Variants in ALG6 observed in about 807,000 individuals in gnomAD.
ALG6 encodes the protein dolichyl pyrophosphate Man9GlcNAc2 alpha-1,3-glucosyltransferase.
In ALG6, 46 loss-of-function variants were observed where a neutral mutation model predicts 66.6. The ratio of observed to expected loss-of-function variants is 0.69; its 90% CI spans 0.55 to 0.88. The LOEUF (loss-of-function observed/expected upper bound fraction) is 0.88, where lower values mean the gene tolerates loss of function less well. ALG6 is among the 40% of genes least tolerant of loss of function. The pLI is 0.00. For missense variants in ALG6, 505 were observed against 586.8 expected (o/e 0.86, Z 1.44); for synonymous variants, 185 against 203.7 (o/e 0.91, Z 0.78).
intron 12 of ALG6, among the ~76,000 whole-genome samples, chr1:63,426,919 A>G (rs1419022595): frequency 1.3e-5 from 2 of 152,206 alleles, no homozygotes; most frequent in Non-Finnish European, 1.5e-5. Flanking sequence ...TAAACCAGAA[A>G]GAGAAAACAG....
At chr1:63,427,141 C>A (rs1366662570) in intron 12 of ALG6, among the ~76,000 whole-genome samples, 3 of 151,426 alleles carry the variant, frequency 2.0e-5, no homozygotes, top group African/African-American at 7.3e-5. Flanking sequence ...GCTGGGATTA[C>A]AGGCACGCAC....
At chr1:63,378,109 C>T (rs955313425) in intron 2 of ALG6, among the ~76,000 whole-genome samples, 1 of 152,070 alleles carries the variant, frequency 6.6e-6, no homozygotes, top group Non-Finnish European at 1.5e-5. Flanking sequence ...TTGTATCTTT[C>T]TTTGAGATCA....
At chr1:63,430,374 G>C (rs1644639529) in intron 14 of ALG6, among the ~76,000 whole-genome samples, 1 of 152,064 alleles carries the variant, frequency 6.6e-6, no homozygotes, top group African/African-American at 2.4e-5. Context: ...TGTTTACAAG[G>C]TATTGAGTGC....
intron 14 of ALG6, among the ~76,000 whole-genome samples, chr1:63,435,206 T>C (rs1644671625): frequency 6.6e-6 from 1 of 152,156 alleles, no homozygotes; most frequent in South Asian, 2.1e-4. Context: ...AGCAGACAAA[T>C]GGGGTAATAG....
Position 63,437,308 on chromosome 1 carries a change from T to TTA in ALG6, c.*289_*290dup. 1 of 339,542 alleles carries TTA rather than the reference T, an allele frequency of 2.9e-6. No individual in the cohort carries two copies. 21.0% of individuals were successfully genotyped at this position (339,542 alleles called of 1,614,324 possible). On this transcript the variant is annotated 3_prime_UTR_variant, in exon 15 of 15. Coordinates refer to ENST00000263440, the MANE Select transcript of ALG6 (RefSeq NM_013339.4). ...AGAAACATGTCCTTAATCCCATTGT[T>TTA]TACTCAGGAAATGCACTTTTTAAAT...
intron 14 of ALG6, among the ~76,000 whole-genome samples, chr1:63,430,415 C>T (rs900156404): frequency 2.0e-5 from 3 of 152,094 alleles, no homozygotes; most frequent in Non-Finnish European, 4.4e-5. Flanking sequence ...TATGTGTATA[C>T]CTGGGAGTAG....
At chr1:63,431,561 C>T (rs1185997181) in intron 14 of ALG6, among the ~76,000 whole-genome samples, 1 of 152,162 alleles carries the variant, frequency 6.6e-6, no homozygotes, top group Non-Finnish European at 1.5e-5. Flanking sequence ...GGACTATGGG[C>T]CTGTGCCACC....
At chr1:63,394,249 C>T (rs905362024) in intron 2 of ALG6, among the ~76,000 whole-genome samples, 1 of 152,320 alleles carries the variant, frequency 6.6e-6, no homozygotes, top group East Asian at 1.9e-4. Context: ...ACCTTACATG[C>T]CAGTTTAAAA....
chr1:63,385,184 CTTTTTTTTTTTTTT>C (rs1165046824), intron 2 of ALG6, among the ~76,000 whole-genome samples: 222 of 58,940 alleles, frequency 3.8e-3, no homozygotes, highest in East Asian at 0.019. Flanking sequence ...TTTACTTCTT[CTTTTTTTTTTTTTT>C]TTTTTTTTTT....
intron 2 of ALG6, among the ~76,000 whole-genome samples, chr1:63,372,010 C>T (rs1372300808): frequency 2.6e-5 from 4 of 152,240 alleles, no homozygotes; most frequent in Admixed American, 1.3e-4. Context: ...GATCAAGATG[C>T]ATTAGAGAAA....
chr1:63,379,051 T>A (rs1648220875), intron 2 of ALG6, among the ~76,000 whole-genome samples: 3 of 152,154 alleles, frequency 2.0e-5, no homozygotes. Context: ...ATGTTTCTTA[T>A]CTAAAAATTC....
chr1:63,376,168 T>C (rs1230017842), intron 2 of ALG6, among the ~76,000 whole-genome samples: 1 of 152,222 alleles, frequency 6.6e-6, no homozygotes, highest in African/African-American at 2.4e-5. Flanking sequence ...CTGTACATTA[T>C]AGCCTATTGC....
chr1:63,388,048 C>T (rs1235456764), intron 2 of ALG6, among the ~76,000 whole-genome samples: 1 of 152,168 alleles, frequency 6.6e-6, no homozygotes, highest in Non-Finnish European at 1.5e-5. Flanking sequence ...TGTGGAGTAG[C>T]TGTGATTACA....
intron 3 of ALG6, among the ~76,000 whole-genome samples, chr1:63,398,789 T>G (rs1161941408): frequency 1.3e-5 from 2 of 152,226 alleles, no homozygotes; most frequent in African/African-American, 4.8e-5. Context: ...ATTAGATTTC[T>G]TTTCAAAATT....
chr1:63,385,419 G>A lies in ALG6; in HGVS notation c.83-11094G>A, dbSNP rs887568100. On this transcript the variant is annotated intron_variant, in intron 2 of 14. Coordinates refer to ENST00000263440, the MANE Select transcript of ALG6 (RefSeq NM_013339.4). ...GTAGAAACGGGGTTTCACCATGTTG[G>A]CCAGGCTGGTCTTGAACTCCTGACC... is the stretch of plus-strand genomic sequence containing the variant. 1.6e-4 allele frequency among the ~76,000 whole-genome samples: 24 copies of A among 151,660 alleles called. 2 individuals are homozygous for A. The highest frequency in any genetic ancestry group is 1.4e-3 in the Admixed American group (21 of 15,222).
chr1:63,422,727 G>A (rs1644594397), intron 12 of ALG6, among the ~76,000 whole-genome samples: 1 of 151,568 alleles, frequency 6.6e-6, no homozygotes, highest in African/African-American at 2.4e-5. Flanking sequence ...AGGCCCAGGC[G>A]GGTGGATCAT....
chr1:63,399,808 A>G (rs1317505803), intron 3 of ALG6, among the ~76,000 whole-genome samples: 1 of 151,612 alleles, frequency 6.6e-6, no homozygotes, highest in East Asian at 1.9e-4. Flanking sequence ...TTTTTTTTTT[A>G]CTTACTAAAC....
chr1:63,395,461 C>T (rs12082925), intron 2 of ALG6, among the ~76,000 whole-genome samples: 54,532 of 151,898 alleles, frequency 0.36, 10,010 homozygotes, highest in East Asian at 0.48. Flanking sequence ...TTTGGGAGGT[C>T]GAGGCAGGCA....
Position 63,381,219 on chromosome 1 carries a change from C to T in ALG6, c.82+10160C>T, listed in dbSNP as rs1237767630. Among the ~76,000 whole-genome samples, 3 of 152,160 alleles carry T rather than the reference C, an allele frequency of 2.0e-5. No homozygotes were observed. In the East Asian group the frequency reaches 5.8e-4, roughly 29 times the overall value. On this transcript the variant is annotated intron_variant, in intron 2 of 14. Coordinates refer to ENST00000263440, the MANE Select transcript of ALG6 (RefSeq NM_013339.4). ...CCTGTAATCCCAGCACTTTGGGAGG[C>T]CGAGGCAGGCGGATCATGAGGTCAG...
Sources: gnomAD v4.1 joint callset for allele counts (sites outside exome capture counted in the v4.1 genomes callset) on GRCh38, gnomAD v4.1.1 for gene constraint, MANE v1.5 for transcripts, NCBI Gene and HGNC (gene_info 2026-07-23, HGNC 2026-07-21) for gene names.